The following TRIM64C variants were observed in gnomAD, a reference collection of about 807,000 sequenced individuals.
The protein encoded by TRIM64C is tripartite motif-containing protein 64C.
A neutral mutation model predicts 36.1 loss-of-function variants in TRIM64C; 25 were observed. The observed-to-expected ratio is 0.69, with a 90% CI of 0.51 to 0.97. The LOEUF (loss-of-function observed/expected upper bound fraction) is 0.97, where lower values mean the gene tolerates loss of function less well. Ranked by LOEUF, TRIM64C falls within the 50% of genes least tolerant of loss-of-function variation. The pLI is 0.00. For synonymous variants in TRIM64C, 212 were observed against 185.7 expected (o/e 1.14, Z -1.15); for missense variants, 489 against 536.8 (o/e 0.91, Z 0.88).
rs1854846579 is a variant in TRIM64C, at chr11:49,058,822, C to T, written c.291G>A (p.Glu97=). The change falls in exon 1 of 6, where the codon GAG becomes GAA. Residue 97 remains glutamate, a synonymous_variant. Coordinates refer to ENST00000617704, the MANE Select transcript of TRIM64C (RefSeq NM_001206631.1). ...SSDNICVLHE[E]TKELFCEADK... ...CAGCCTCACAGAAGAGCTCCTTAGT[C>T]TCCTCATGGAGCACACAGATATTGT... The T allele has an allele frequency of 2.6e-6, 4 of 1,549,302 alleles. No individual in the cohort carries two copies. The highest frequency in any genetic ancestry group is 3.5e-6 in the Non-Finnish European group (4 of 1,146,850).
chr11:49,054,292 T>C, intron 5 of TRIM64C, 85 bp from the exon 6 acceptor site: 1 of 1,441,942 alleles, frequency 6.9e-7, no homozygotes, highest in Non-Finnish European at 9.2e-7. Flanking sequence ...TTGCTCTTCT[T>C]CCAAGGAAAT....
Position 49,058,472 on chromosome 11 carries a change from A to G in TRIM64C, c.412+229T>C, listed in dbSNP as rs149972870. On this transcript the variant is annotated intron_variant, in intron 1 of 5. Coordinates refer to ENST00000617704, the MANE Select transcript of TRIM64C (RefSeq NM_001206631.1). ...GCCACCAGCTCCACAGCTCCATCCT[A>G]TATGTTTGAACAATGTTTCTAAGGA... Among the ~76,000 whole-genome samples the G allele has an allele frequency of 2.5e-3, 377 of 151,998 alleles. 10 individuals are homozygous for G. Among genetic ancestry groups the G allele is most frequent in the African/African-American group, 8.0e-3 (331 of 41,276 alleles).
In TRIM64C at chr11:49,058,844, T is replaced by A. The variant is rs1274453711; in HGVS notation, c.269A>T (p.Asn90Ile). 6.5e-7 allele frequency: 1 copy of A among 1,549,328 alleles called. No homozygotes were observed. Among genetic ancestry groups the A allele is most frequent in the East Asian group, 2.4e-5 (1 of 40,910 alleles). ...AGTCTCCTCATGGAGCACACAGATA[T>A]TGTCTGAGCTGTTGATGTTCTGAGG... ...TRPQNINSSD[N>I]ICVLHEETKE... Residue 90 changes from asparagine to isoleucine, a missense_variant, in exon 1 of 6, where the codon AAT becomes ATT. Physicochemically the swap from Asn to Ile is moderately radical, Grantham distance 149. Transcript: ENST00000617704.
intron 3 of TRIM64C, 27 bp downstream of exon 3, chr11:49,057,121 C>T (rs1375372121): frequency 1.9e-6 from 3 of 1,548,944 alleles, no homozygotes; most frequent in African/African-American, 1.4e-5. Flanking sequence ...GGCTTCCTGT[C>T]TCTGAGGATG....
At position 49,055,317 on chromosome 11, in the gene TRIM64C, G is replaced by T. The variant is rs757507224; in HGVS notation, c.852C>A (p.Asn284Lys). ...CITGVLDMLNNFRVDNALSTE... is the reference protein window; with the variant it reads ...CITGVLDMLNKFRVDNALSTE... ...CAAGCAGCTGGCTCTTGCCTCTGAA[G>T]TTGTTGAGCATGTCTAGGACTCCAG... The change falls in exon 5 of 6, where the codon AAC becomes AAA. Residue 284 changes from asparagine to lysine, a missense_variant. Asn to Lys is a moderately conservative substitution (Grantham distance 94). Transcript: ENST00000617704. The T allele has an allele frequency of 5.3e-5, 81 of 1,535,734 alleles. No individual in the cohort carries two copies. In the African/African-American group the frequency reaches 9.5e-4, roughly 18 times the overall value.
chr11:49,054,435 C>A (rs1344502861), intron 5 of TRIM64C, among the ~76,000 whole-genome samples: 1 of 152,004 alleles, frequency 6.6e-6, no homozygotes, highest in East Asian at 1.9e-4. Flanking sequence ...TATCACTGGG[C>A]AAAGTAATGA....
At chr11:49,055,952 T>C (rs1360042907) in intron 4 of TRIM64C, among the ~76,000 whole-genome samples, 2 of 152,066 alleles carry the variant, frequency 1.3e-5, no homozygotes. Context: ...GCCCGGGTCA[T>C]TGATGCTTTT....
chr11:49,058,683 C>T lies in TRIM64C; in HGVS notation c.412+18G>A, dbSNP rs1476936849. On this transcript the variant is annotated intron_variant, in intron 1 of 5. Transcript: ENST00000617704. ...TATTTGATATTCTGTATAATTCAAA[C>T]TGCCTTAGAGGCATCACGTACCCTG... 1 of 1,541,406 alleles carries T rather than the reference C, an allele frequency of 6.5e-7. No homozygotes were observed. The highest frequency in any genetic ancestry group is 2.0e-5 in the Admixed American group (1 of 50,838).
intron 4 of TRIM64C, among the ~76,000 whole-genome samples, chr11:49,055,818 G>A (rs544003689): frequency 6.6e-6 from 1 of 152,236 alleles, no homozygotes; most frequent in South Asian, 2.1e-4. Context: ...TGAGACAAAA[G>A]GCTTTAATCT....
At position 49,054,039 on chromosome 11, in the gene TRIM64C, C is replaced by G. The variant is rs1437425629; in HGVS notation, c.1028G>C (p.Trp343Ser). 1 of 1,551,560 alleles carries G rather than the reference C, an allele frequency of 6.4e-7. No homozygotes were observed. Among genetic ancestry groups the G allele is most frequent in the East Asian group, 2.4e-5 (1 of 40,926 alleles). Residue 343 changes from tryptophan (W) to serine (S), a missense_variant, in exon 6 of 6, where the codon TGG (tryptophan) becomes TCG (serine). Physicochemically the swap from Trp to Ser is radical, Grantham distance 177. Transcript: ENST00000617704. ...GGAGGAGTGGGTCACATCCACTTCC[C>G]AGTAATGCTTGCCGGAGGTGAATGC... ...AQAFTSGKHY[W>S]EVDVTHSSNW...
intron 4 of TRIM64C, among the ~76,000 whole-genome samples, 173 bp from the exon 5 acceptor site, chr11:49,055,580 A>T (rs1490413922): frequency 6.6e-6 from 1 of 152,206 alleles, no homozygotes; most frequent in East Asian, 1.9e-4. Context: ...TAATTTTTTT[A>T]AATTTTACTT....
In TRIM64C at chr11:49,057,204, C is replaced by G. The variant is rs1854823596; in HGVS notation, c.682G>C (p.Asp228His). The G allele has an allele frequency of 6.5e-7, 1 of 1,549,546 alleles. No homozygotes were observed. The highest frequency in any genetic ancestry group is 2.0e-5 in the Admixed American group (1 of 50,954). The change falls in exon 3 of 6, where the codon GAC becomes CAC. Residue 228 changes from aspartate (D) to histidine (H), a missense_variant. Asp to His is a moderately conservative substitution (Grantham distance 81, BLOSUM62 -1). Coordinates refer to ENST00000617704, the MANE Select transcript of TRIM64C (RefSeq NM_001206631.1). ...GTCTCCCACAGCTCTCTGTACATGT[C>G]TTTCATCCCTTCTAAATGTTGGGTC... The part of the protein sequence containing the change: ...RMTQHLEGMK[D>H]MYRELWETYH...
At chr11:49,054,232 A>G (rs1481858511) in intron 5 of TRIM64C, 25 bp from the exon 6 acceptor site, 3 of 1,545,554 alleles carry the variant, frequency 1.9e-6, no homozygotes, top group South Asian at 2.4e-5. Context: ...ATATTATATT[A>G]GTGAGTGCTA....
rs1565097402 is a variant in TRIM64C, at chr11:49,054,047, C to T, written c.1020G>A (p.Lys340=). ...VWCAQAFTSG[K]HYWEVDVTHS... ...GGGTCACATCCACTTCCCAGTAATG[C>T]TTGCCGGAGGTGAATGCTTGCGCAC... is the stretch of plus-strand genomic sequence containing the variant. Residue 340 remains lysine (K), a synonymous_variant, in exon 6 of 6, where the codon AAG becomes AAA. Coordinates refer to ENST00000617704, the MANE Select transcript of TRIM64C (RefSeq NM_001206631.1). The T allele has an allele frequency of 1.3e-6, 2 of 1,551,472 alleles. No individual in the cohort carries two copies. Among genetic ancestry groups the T allele is most frequent in the Non-Finnish European group, 8.7e-7 (1 of 1,146,852 alleles).
chr11:49,055,206 T>C (rs1241863939), intron 5 of TRIM64C, 104 bp downstream of exon 5: 1 of 1,404,244 alleles, frequency 7.1e-7, no homozygotes. Context: ...AACTATGTAT[T>C]ACCTACATGT....
At position 49,057,144 on chromosome 11, in the gene TRIM64C, T is replaced by C; in HGVS notation, c.738+4A>G. ...GTCTCTGAGGATGGACCCTCCCTCC[T>C]CACCTGGAGCAGCTCCACGTCAGGC... On this transcript the variant is annotated splice_donor_region_variant and intron_variant, in intron 3 of 5. Coordinates refer to ENST00000617704, the MANE Select transcript of TRIM64C (RefSeq NM_001206631.1). The C allele has an allele frequency of 1.3e-6, 2 of 1,549,246 alleles. No individual in the cohort carries two copies. The highest frequency in any genetic ancestry group is 1.2e-5 in the South Asian group (1 of 83,966).
chr11:49,056,875 A>G (rs1854820327), intron 3 of TRIM64C, among the ~76,000 whole-genome samples: 1 of 151,962 alleles, frequency 6.6e-6, no homozygotes, highest in Non-Finnish European at 1.5e-5. Context: ...CCTGGCCTAG[A>G]GTTCTAATGA....
In TRIM64C at chr11:49,054,110, G is replaced by A. The variant is rs778009658; in HGVS notation, c.957C>T (p.Pro319=). The A allele has an allele frequency of 5.8e-6, 9 of 1,551,584 alleles. No homozygotes were observed. In the South Asian group the frequency reaches 1.1e-4, roughly 18 times the overall value. ...AGCTCTCCACTCCTTGGGGATCCAT[G>A]GGTGCACTGCGATGGTCATCTCCAA... ...VIFGDDHRSA[P]MDPQGVESFA... Residue 319 remains proline (P), a synonymous_variant, in exon 6 of 6, where the codon CCC becomes CCT. Transcript: ENST00000617704.
chr11:49,053,785 G>A lies in TRIM64C; in HGVS notation c.1282C>T (p.Leu428Phe), dbSNP rs1314089844. The A allele has an allele frequency of 1.3e-6, 2 of 1,551,422 alleles. No homozygotes were observed. Among genetic ancestry groups the A allele is most frequent in the South Asian group, 2.4e-5 (2 of 84,048 alleles). ...GAGGAAGGAGGAAAACCATAGATAA[G>A]AGAACCTTTAGAAACATCAAAAAAA... ...VSFFDVSKGS[L>F]IYGFPPSSFS... The change falls in exon 6 of 6, where the codon CTT (leucine) becomes TTT (phenylalanine). Residue 428 changes from leucine (L) to phenylalanine (F), a missense_variant. Leu to Phe is a conservative substitution (Grantham distance 22). Coordinates refer to ENST00000617704, the MANE Select transcript of TRIM64C (RefSeq NM_001206631.1).
Sources: allele counts gnomAD v4.1 joint callset (sites outside exome capture counted in the v4.1 genomes callset), GRCh38; gene constraint gnomAD v4.1.1; transcripts MANE v1.5; gene names NCBI Gene and HGNC (gene_info 2026-07-23, HGNC 2026-07-21).